PPP2R5E: variants seen among roughly 807,000 people sequenced by gnomAD.
PPP2R5E encodes protein phosphatase 2 regulatory subunit B'epsilon, also known as serine/threonine-protein phosphatase 2A 56 kDa regulatory subunit epsilon isoform.
A neutral mutation model predicts 65.3 loss-of-function variants in PPP2R5E; 4 were observed. The observed-to-expected ratio is 0.06, with a 90% CI of 0.03 to 0.14. The LOEUF is 0.14. PPP2R5E is among the 10% of genes least tolerant of loss of function. The pLI is 1.00. For synonymous variants in PPP2R5E, 183 were observed against 187.4 expected (o/e 0.98, Z 0.19); for missense variants, 274 against 556.1 (o/e 0.49, Z 5.10).
In PPP2R5E at chr14:63,400,565, C is replaced by T. The variant is rs567301206; in HGVS notation, c.550-3849G>A. Among the ~76,000 whole-genome samples the T allele has an allele frequency of 5.9e-5, 9 of 152,230 alleles. No individual in the cohort carries two copies. In the South Asian group the frequency reaches 1.0e-3, roughly 18 times the overall value. The stretch of plus-strand genomic sequence containing the variant: ...GTACTGAGTTCTTTCTATGTGCCAG[C>T]GATGGTCCTCATTGCTGGACATACA... On this transcript the variant is annotated intron_variant, in intron 5 of 13. Transcript: ENST00000337537.
intron 2 of PPP2R5E, among the ~76,000 whole-genome samples, chr14:63,507,386 G>C (rs137970990): frequency 2.2e-3 from 330 of 152,076 alleles, no homozygotes; most frequent in Non-Finnish European, 3.9e-3. Context: ...TCTCAGAAGG[G>C]CAGTGTGGGT....
intron 3 of PPP2R5E, among the ~76,000 whole-genome samples, chr14:63,426,301 A>G (rs1159378659): frequency 6.6e-6 from 1 of 152,178 alleles, no homozygotes; most frequent in East Asian, 1.9e-4. Flanking sequence ...CACTTGCAAC[A>G]TTCTCCAAAA....
chr14:63,415,250 T>C lies in PPP2R5E; in HGVS notation c.457-18A>G, dbSNP rs1431724952. 1.3e-6 allele frequency: 2 copies of C among 1,545,874 alleles called. No individual in the cohort carries two copies. Among genetic ancestry groups the C allele is most frequent in the East Asian group, 2.3e-5 (1 of 44,282 alleles). On this transcript the variant is annotated intron_variant, in intron 4 of 13. Transcript: ENST00000337537. ...TATACAAGCTGCAACAAACAGATTA[T>C]AATTAATTTCAAATTATGACTCACT...
chr14:63,459,371 C>T (rs8004170), intron 2 of PPP2R5E, among the ~76,000 whole-genome samples: 49,932 of 151,938 alleles, frequency 0.33, 10,908 homozygotes, highest in African/African-American at 0.62. Flanking sequence ...GCTTCCATTA[C>T]AGGAATTGCT....
intron 12 of PPP2R5E, 122 bp from the exon 13 acceptor site, chr14:63,382,279 T>C: frequency 1.9e-6 from 1 of 524,252 alleles, no homozygotes; most frequent in Non-Finnish European, 3.2e-6. Flanking sequence ...GTCTGTATCC[T>C]TTTTTAGTTG....
chr14:63,539,077 AT>A (rs550545301), intron 2 of PPP2R5E, among the ~76,000 whole-genome samples: 1 of 151,928 alleles, frequency 6.6e-6, no homozygotes, highest in East Asian at 1.9e-4. Context: ...TAAATGGACC[AT>A]TTTTTTCTTG....
At chr14:63,382,211 C>G in intron 12 of PPP2R5E, 54 bp from the exon 13 acceptor site, 2 of 1,406,050 alleles carry the variant, frequency 1.4e-6, no homozygotes, top group East Asian at 2.3e-5. Context: ...AAATGGGATA[C>G]TGAATGAAGA....
chr14:63,454,551 A>G (rs183659821), intron 2 of PPP2R5E, among the ~76,000 whole-genome samples: 5 of 152,338 alleles, frequency 3.3e-5, no homozygotes, highest in Admixed American at 2.6e-4. Context: ...GAAAACCACT[A>G]ACATCTTATA....
rs35587312 is a variant in PPP2R5E, at chr14:63,374,634, G to GATATATATATATAT, written c.*1361_*1374dup. On this transcript the variant is annotated 3_prime_UTR_variant, in exon 14 of 14. Transcript: ENST00000337537. ...TAAATACAAAGCAGAGAGCCAATAA[G>GATATATATATATAT]ATATATATATATATATATATATATA... The GATATATATATATAT allele has an allele frequency of 2.9e-3, 316 of 109,368 alleles. 7 individuals carry two copies. The highest frequency in any genetic ancestry group is 0.014 in the African/African-American group (279 of 20,482). 6.8% of individuals were successfully genotyped at this position (109,368 alleles called of 1,614,324 possible). A position where few individuals can be genotyped will look rare whatever the true frequency, so the allele number is the denominator to read the frequency against.
intron 3 of PPP2R5E, 75 bp downstream of exon 3, chr14:63,453,614 C>G (rs1248077211): frequency 1.4e-6 from 2 of 1,453,448 alleles, no homozygotes. Context: ...AATGACCTCA[C>G]TCTTGCAATA....
intron 5 of PPP2R5E, among the ~76,000 whole-genome samples, chr14:63,397,815 C>T (rs78979323): frequency 0.035 from 5,268 of 151,706 alleles, 192 homozygotes; most frequent in African/African-American, 0.084. Flanking sequence ...CCTCCGCCTC[C>T]TGTGTTCAAG....
intron 3 of PPP2R5E, among the ~76,000 whole-genome samples, chr14:63,427,205 T>C (rs539753550): frequency 1.3e-5 from 2 of 152,296 alleles, no homozygotes; most frequent in East Asian, 3.8e-4. Context: ...TGCGGCTAGA[T>C]TAAAATGCAT....
At chr14:63,530,579 T>G (rs1893379523) in intron 2 of PPP2R5E, among the ~76,000 whole-genome samples, 1 of 151,468 alleles carries the variant, frequency 6.6e-6, no homozygotes, top group Non-Finnish European at 1.5e-5. Flanking sequence ...AATGCAAGCT[T>G]CTATCCTACT....
intron 2 of PPP2R5E, among the ~76,000 whole-genome samples, chr14:63,530,294 G>A (rs1893366978): frequency 7.2e-6 from 1 of 138,364 alleles, no homozygotes; most frequent in Non-Finnish European, 1.5e-5. Flanking sequence ...GTGCAATGGT[G>A]TGATCTCAGC....
intron 2 of PPP2R5E, among the ~76,000 whole-genome samples, chr14:63,459,828 T>C (rs1421336346): frequency 6.6e-6 from 1 of 152,222 alleles, no homozygotes. Flanking sequence ...TGAAATTCTT[T>C]CTCTCCATTA....
At chr14:63,385,846 T>C (rs1479591381) in intron 11 of PPP2R5E, among the ~76,000 whole-genome samples, 1 of 152,216 alleles carries the variant, frequency 6.6e-6, no homozygotes, top group Non-Finnish European at 1.5e-5. Context: ...CCAGGAGATG[T>C]CTGCTCAGTT....
chr14:63,386,547 G>T (rs2139762203), intron 11 of PPP2R5E, among the ~76,000 whole-genome samples: 1 of 152,302 alleles, frequency 6.6e-6, no homozygotes, highest in South Asian at 2.1e-4. Flanking sequence ...TCAGATATAT[G>T]AATAAAGTGT....
intron 2 of PPP2R5E, among the ~76,000 whole-genome samples, chr14:63,483,753 G>A (rs1013333569): frequency 6.6e-6 from 1 of 152,156 alleles, no homozygotes; most frequent in South Asian, 2.1e-4. Flanking sequence ...GGAAAGAGCA[G>A]AGCCGAGATG....
At chr14:63,484,638 G>C (rs1890892922) in intron 2 of PPP2R5E, among the ~76,000 whole-genome samples, 1 of 152,100 alleles carries the variant, frequency 6.6e-6, no homozygotes. Flanking sequence ...AAACCAAAGA[G>C]AAGTATTCTG....
Sources: allele counts gnomAD v4.1 joint callset (sites outside exome capture counted in the v4.1 genomes callset), GRCh38; gene constraint gnomAD v4.1.1; transcripts MANE v1.5; gene names NCBI Gene and HGNC (gene_info 2026-07-23, HGNC 2026-07-21).